Variants in MGST1 observed in about 807,000 individuals in gnomAD.
MGST1 encodes the protein microsomal glutathione S-transferase 1, also known as glutathione S-transferase 12.
Under a neutral mutation model 8.9 loss-of-function variants are expected in MGST1, and 5 were observed. The ratio of observed to expected loss-of-function variants is 0.56; its 90% confidence interval spans 0.29 to 1.19. The LOEUF is 1.19. Among genes scored for constraint, MGST1 ranks in the 50% most tolerant of loss-of-function variants. MGST1 has a pLI of 0.08. For missense variants in MGST1, 182 were observed against 187.4 expected, an observed-to-expected ratio of 0.97 and a Z score of 0.17; for synonymous variants, 54 against 67.8, an observed-to-expected ratio of 0.80 and a Z score of 1.00.
rs1940735082 is a variant in MGST1, at chr12:16,410,686, T to C, written n.779-26702T>C. 6.8e-6 allele frequency among the ~76,000 whole-genome samples: 1 copy of C among 148,060 alleles called. No individual in the cohort carries two copies. Among genetic ancestry groups the C allele is most frequent in the Non-Finnish European group, 1.5e-5 (1 of 67,226 alleles). On this transcript the variant is annotated intron_variant and non_coding_transcript_variant, in intron 1 of 1. Transcript: ENST00000359720. This position sits in a 1 kb window ranked among gnomAD's most constrained non-coding sequence, Gnocchi z 4.4. ...TACATAATCAAATATATAATATAAATATATAATATAATATATAAATATATA... is the reference window on the plus strand; with the variant it reads ...TACATAATCAAATATATAATATAAACATATAATATAATATATAAATATATA...
rs1161331371 is a variant in MGST1, at chr12:16,362,269, A to C, written c.222-1526A>C. Reference sequence around the variant, plus strand: ...CAGTAGTACTTGTATTGCTCCATGAAAGAGAGGGCACAGGAACACTCACAC... The same window carrying C: ...CAGTAGTACTTGTATTGCTCCATGACAGAGAGGGCACAGGAACACTCACAC... On this transcript the variant is annotated intron_variant, in intron 3 of 3. Transcript: ENST00000396210. The surrounding 1 kb of genome is among the most constrained non-coding windows in gnomAD (Gnocchi z 4.4). Among the ~76,000 whole-genome samples the C allele has an allele frequency of 4.6e-5, 7 of 152,118 alleles. No individual in the cohort carries two copies. The highest frequency in any genetic ancestry group is 1.0e-4 in the Non-Finnish European group (7 of 68,032).
chr12:16,441,299 G>A (rs934713737), downstream of MGST1, among the ~76,000 whole-genome samples: 8 of 151,746 alleles, frequency 5.3e-5, no homozygotes, highest in East Asian at 1.9e-4. Flanking sequence ...ACACCAGAAC[G>A]ATACATTTGT....
downstream of MGST1, among the ~76,000 whole-genome samples, chr12:16,589,882 C>G (rs1302204188): frequency 6.6e-6 from 1 of 152,016 alleles, no homozygotes; most frequent in Non-Finnish European, 1.5e-5. This position sits in a 1 kb window ranked among gnomAD's most constrained non-coding sequence, Gnocchi z 4.2. Context: ...AGGAATTAAG[C>G]CTCGTAAAGC....
chr12:16,394,513 CCTTTCTTT>C (rs766001588), intron 1 of MGST1, among the ~76,000 whole-genome samples: 9,793 of 83,824 alleles, frequency 0.12, 502 homozygotes, highest in African/African-American at 0.14. Context: ...TCTTTCTCTC[CCTTTCTTT>C]CTTTCTTTCT....
At chr12:16,387,102 G>C (rs111652097) in intron 1 of MGST1, among the ~76,000 whole-genome samples, 13 of 152,170 alleles carry the variant, frequency 8.5e-5, no homozygotes, top group African/African-American at 2.6e-4. Flanking sequence ...TGCCTAATTT[G>C]TAAATTAAAC....
intron 4 of MGST1, among the ~76,000 whole-genome samples, chr12:16,464,853 A>G (rs1941242989): frequency 2.0e-5 from 3 of 152,242 alleles, no homozygotes; most frequent in South Asian, 4.1e-4. Context: ...TCAATAACTT[A>G]TACACATAAC....
At chr12:16,392,288 T>C (rs1940559995) in intron 1 of MGST1, among the ~76,000 whole-genome samples, 1 of 152,220 alleles carries the variant, frequency 6.6e-6, no homozygotes, top group Admixed American at 6.5e-5. Context: ...ATGACGATGA[T>C]TGTGTAATTT....
chr12:16,420,738 A>G (rs1003906483), intron 1 of MGST1, among the ~76,000 whole-genome samples: 1 of 152,120 alleles, frequency 6.6e-6, no homozygotes, highest in African/African-American at 2.4e-5. Context: ...TTGGGTGAGA[A>G]TGCTCTCTTC....
intron 4 of MGST1, among the ~76,000 whole-genome samples, chr12:16,447,757 G>A (rs1479938929): frequency 6.6e-6 from 1 of 151,934 alleles, no homozygotes; most frequent in Non-Finnish European, 1.5e-5. Flanking sequence ...AGATTATGGT[G>A]CTCACCCATG....
chr12:16,387,777 T>G (rs147174464), intron 1 of MGST1, among the ~76,000 whole-genome samples: 4 of 152,064 alleles, frequency 2.6e-5, no homozygotes, highest in Non-Finnish European at 5.9e-5. Context: ...CTGCCCGCCT[T>G]GGCCTCCTGA....
intron 1 of MGST1, among the ~76,000 whole-genome samples, chr12:16,435,805 T>TTA (rs1940980206): frequency 6.6e-6 from 1 of 151,960 alleles, no homozygotes; most frequent in African/African-American, 2.4e-5. Flanking sequence ...GTTTATTATC[T>TTA]TATAATAAAA....
chr12:16,539,592 A>G lies in MGST1; in HGVS notation n.483-49936A>G, dbSNP rs111805725. On this transcript the variant is annotated intron_variant and non_coding_transcript_variant, in intron 4 of 4. Coordinates refer to the MGST1 transcript ENST00000538857. ...ACTCTATTTGCTTAAGTATACCCAT[A>G]TTTGTCAACTGTATCAGCTGGTCCC... 3.1e-3 allele frequency among the ~76,000 whole-genome samples: 476 copies of G among 152,254 alleles called. 6 individuals carry two copies. The highest frequency in any genetic ancestry group is 0.011 in the African/African-American group (444 of 41,538).
chr12:16,505,062 A>G (rs1941528247), intron 4 of MGST1, among the ~76,000 whole-genome samples: 1 of 151,976 alleles, frequency 6.6e-6, no homozygotes, highest in South Asian at 2.1e-4. Flanking sequence ...ATTATTTTGT[A>G]TTTATTTTTC....
intron 4 of MGST1, among the ~76,000 whole-genome samples, chr12:16,554,070 C>A (rs764843319): frequency 6.6e-6 from 1 of 152,182 alleles, no homozygotes; most frequent in East Asian, 1.9e-4. Context: ...GATTATTAAA[C>A]CATCTAATTC....
chr12:16,360,325 A>G (rs1173804881), intron 3 of MGST1: 9 of 984,944 alleles, frequency 9.1e-6, no homozygotes, highest in Non-Finnish European at 1.1e-5. Context: ...TACGATTAGC[A>G]TATTTGAACG....
chr12:16,403,132 C>T (rs1252191552), intron 1 of MGST1, among the ~76,000 whole-genome samples: 1 of 151,900 alleles, frequency 6.6e-6, no homozygotes, highest in Non-Finnish European at 1.5e-5. Flanking sequence ...TGTAAGTTTC[C>T]AAGAAATACA....
At chr12:16,355,655 C>G (rs1939686253) in intron 2 of MGST1, among the ~76,000 whole-genome samples, 1 of 152,102 alleles carries the variant, frequency 6.6e-6, no homozygotes, top group Non-Finnish European at 1.5e-5. Context: ...GGAAATGTAC[C>G]CTGTCTTAAA....
chr12:16,567,609 A>C (rs2137402035), intron 4 of MGST1: 1 of 152,258 alleles, frequency 6.6e-6, no homozygotes, highest in South Asian at 2.1e-4. Flanking sequence ...TATGTGGTCA[A>C]GATCAGGGTT....
At chr12:16,398,365 A>G (rs924291775) in intron 1 of MGST1, among the ~76,000 whole-genome samples, 4 of 152,198 alleles carry the variant, frequency 2.6e-5, no homozygotes, top group Non-Finnish European at 1.5e-5. Context: ...CAAAGTTAAA[A>G]TAAGGAGCAG....
Sources: allele counts gnomAD v4.1 joint callset (sites outside exome capture counted in the v4.1 genomes callset), GRCh38; gene constraint gnomAD v4.1.1; non-coding constraint Gnocchi (gnomAD v3.1); transcripts MANE v1.5; gene names NCBI Gene and HGNC (gene_info 2026-07-23, HGNC 2026-07-21).